The following ANKRD30BL variants were observed in gnomAD, a reference collection of about 807,000 sequenced individuals.
ANKRD30BL encodes the protein ankyrin repeat domain 30B like.
Under a neutral mutation model 18.4 loss-of-function variants are expected in ANKRD30BL, and 20 were observed. The observed-to-expected ratio is 1.09, with a 90% CI of 0.77 to 1.58. ANKRD30BL has a LOEUF of 1.58. Among genes scored for constraint, ANKRD30BL ranks in the 40% most tolerant of loss-of-function variants. The pLI, the probability that ANKRD30BL is intolerant of heterozygous loss-of-function variation, is 0.00. For synonymous variants in ANKRD30BL, 72 were observed against 100.9 expected, an observed-to-expected ratio of 0.71 and a Z score of 1.72; for missense variants, 224 against 268.6, an observed-to-expected ratio of 0.83 and a Z score of 1.16.
At chr2:132,184,437 T>C (rs1284874886) in intron 1 of ANKRD30BL, among the ~76,000 whole-genome samples, 1 of 152,212 alleles carries the variant, frequency 6.6e-6, no homozygotes, top group African/African-American at 2.4e-5. Flanking sequence ...TTTGTAGAAA[T>C]GTTCCAGACT....
intron 1 of ANKRD30BL, among the ~76,000 whole-genome samples, chr2:132,222,659 C>T (rs1298063053): frequency 1.3e-5 from 2 of 151,548 alleles, no homozygotes; most frequent in Non-Finnish European, 2.9e-5. Flanking sequence ...AGAGTCATCA[C>T]CACTCCCTAA....
intron 1 of ANKRD30BL, among the ~76,000 whole-genome samples, chr2:132,188,214 G>T (rs1264671364): frequency 6.6e-6 from 1 of 152,114 alleles, no homozygotes; most frequent in Non-Finnish European, 1.5e-5. Flanking sequence ...ATGGCAAATG[G>T]CTTTGCATTT....
chr2:132,185,561 G>A (rs1036896369), intron 1 of ANKRD30BL, among the ~76,000 whole-genome samples: 2 of 152,154 alleles, frequency 1.3e-5, no homozygotes, highest in African/African-American at 2.4e-5. Flanking sequence ...AGGTATTATT[G>A]TAATAAATGT....
At chr2:132,182,652 C>A (rs530758112) in intron 1 of ANKRD30BL, among the ~76,000 whole-genome samples, 2 of 152,172 alleles carry the variant, frequency 1.3e-5, no homozygotes, top group African/African-American at 4.8e-5. Context: ...TGCATGCTAA[C>A]TTCTTATCTT....
At chr2:132,257,318 G>C (rs1173894688) in intron 1 of ANKRD30BL, among the ~76,000 whole-genome samples, 7 of 152,088 alleles carry the variant, frequency 4.6e-5, no homozygotes, top group Non-Finnish European at 8.8e-5. Context: ...AGCGGGCAGA[G>C]AGCCGGCTCA....
intron 1 of ANKRD30BL, among the ~76,000 whole-genome samples, chr2:132,199,568 G>A (rs929033193): frequency 4.6e-5 from 7 of 150,938 alleles, no homozygotes; most frequent in African/African-American, 1.5e-4. Flanking sequence ...GTGCAGTGGC[G>A]GGATCTCGGC....
intron 1 of ANKRD30BL, among the ~76,000 whole-genome samples, chr2:132,168,972 C>T (rs1688232782): frequency 6.6e-6 from 1 of 151,774 alleles, no homozygotes; most frequent in Non-Finnish European, 1.5e-5. Context: ...ATATCTTTTT[C>T]TATGCTTATT....
In ANKRD30BL at chr2:132,154,412, T is replaced by A. The variant is rs553324572; in HGVS notation, c.614+250A>T. On this transcript the variant is annotated intron_variant, in intron 4 of 5. Coordinates refer to ENST00000409867, the MANE Select transcript of ANKRD30BL (RefSeq NM_001358416.1). ...AACCACTTTAGCTAATAGAAGATAA[T>A]GCAACCAAAAACATCAGATTAAAAA... Among the ~76,000 whole-genome samples, 4 of 152,342 alleles carry A rather than the reference T, an allele frequency of 2.6e-5. No individual in the cohort carries two copies. In the South Asian group the frequency reaches 6.2e-4, roughly 24 times the overall value.
intron 3 of ANKRD30BL, chr2:132,155,522 A>G (rs1162984836): frequency 6.6e-6 from 1 of 152,190 alleles, no homozygotes; most frequent in African/African-American, 2.4e-5. Flanking sequence ...TTGGCTTCAA[A>G]TAAACTTTGA....
chr2:132,176,883 G>C (rs1688375271), intron 1 of ANKRD30BL, among the ~76,000 whole-genome samples: 1 of 152,174 alleles, frequency 6.6e-6, no homozygotes, highest in South Asian at 2.1e-4. Context: ...CCTTTCCTAA[G>C]ATTCCACATA....
intron 1 of ANKRD30BL, among the ~76,000 whole-genome samples, chr2:132,239,899 G>A (rs1441436371): frequency 6.6e-6 from 1 of 151,840 alleles, no homozygotes; most frequent in African/African-American, 2.4e-5. Flanking sequence ...TTTTGATATA[G>A]CAATTTTGAA....
chr2:132,230,919 C>CT (rs776172928), intron 1 of ANKRD30BL, among the ~76,000 whole-genome samples: 1 of 152,046 alleles, frequency 6.6e-6, no homozygotes, highest in Non-Finnish European at 1.5e-5. Flanking sequence ...TTTTGAAACA[C>CT]TCTTTTTGTA....
chr2:132,224,457 T>G (rs964231968), intron 1 of ANKRD30BL, among the ~76,000 whole-genome samples: 1 of 152,066 alleles, frequency 6.6e-6, no homozygotes, highest in Non-Finnish European at 1.5e-5. Context: ...AGGCCTTTGT[T>G]GGAAACGGGA....
chr2:132,215,026 G>C (rs943754626), intron 1 of ANKRD30BL, among the ~76,000 whole-genome samples: 1 of 152,010 alleles, frequency 6.6e-6, no homozygotes, highest in Non-Finnish European at 1.5e-5. Flanking sequence ...ATAAAAACTA[G>C]ATATAATCAT....
intron 1 of ANKRD30BL, among the ~76,000 whole-genome samples, chr2:132,225,220 T>C (rs1339785734): frequency 6.6e-6 from 1 of 152,092 alleles, no homozygotes; most frequent in Non-Finnish European, 1.5e-5. Context: ...CTCACAGAGT[T>C]GATCCTTTCT....
At chr2:132,203,501 T>C (rs1025484349) in intron 1 of ANKRD30BL, among the ~76,000 whole-genome samples, 2 of 152,036 alleles carry the variant, frequency 1.3e-5, no homozygotes, top group African/African-American at 4.8e-5. Context: ...AAGAAAAAAA[T>C]TTTACAACAA....
At position 132,169,510 on chromosome 2, in the gene ANKRD30BL, C is replaced by T. The variant is rs540567890; in HGVS notation, n.442-12364G>A. 2.8e-3 allele frequency among the ~76,000 whole-genome samples: 425 copies of T among 152,134 alleles called. 1 individual carries two copies. The highest frequency in any genetic ancestry group is 3.8e-3 in the African/African-American group (158 of 41,504). ...AAAAATACAAAAACTAGCTGGGCGT[C>T]GTGGTGCATGCCTGTAGTCTCATCT... On this transcript the variant is annotated intron_variant and non_coding_transcript_variant, in intron 1 of 4. Coordinates refer to the ANKRD30BL transcript ENST00000470729.
chr2:132,187,208 T>C (rs1688581019), intron 1 of ANKRD30BL, among the ~76,000 whole-genome samples: 1 of 146,978 alleles, frequency 6.8e-6, no homozygotes, highest in Non-Finnish European at 1.5e-5. Flanking sequence ...TTTTTTTTTT[T>C]TGAGAGACAG....
chr2:132,187,188 G>GTTTTTTTTTTTTTTT (rs1193358076), intron 1 of ANKRD30BL, among the ~76,000 whole-genome samples: 32 of 90,614 alleles, frequency 3.5e-4, no homozygotes, highest in East Asian at 6.8e-4. Flanking sequence ...TTTTTTGTTT[G>GTTTTTTTTTTTTTTT]TTTTTTTTTT....
Sources: allele counts gnomAD v4.1 joint callset (sites outside exome capture counted in the v4.1 genomes callset), GRCh38; gene constraint gnomAD v4.1.1; transcripts MANE v1.5; gene names NCBI Gene and HGNC (gene_info 2026-07-23, HGNC 2026-07-21).